Variants in SLC16A4 observed in about 807,000 individuals in gnomAD.
SLC16A4 encodes solute carrier family 16 member 4.
SLC16A4 carries 39 observed loss-of-function variants against 47.9 expected under a neutral mutation model. The observed-to-expected ratio is 0.81, with a 90% CI of 0.63 to 1.06. The LOEUF is 1.06. SLC16A4 is among the 50% of genes least tolerant of loss of function. The probability of loss-of-function intolerance (pLI) is 0.00; values close to 1 mark genes in which losing one functional copy is unlikely to be tolerated. For missense variants in SLC16A4, 524 were observed against 573.8 expected (o/e 0.91, Z 0.89); for synonymous variants, 189 against 199.9 (o/e 0.95, Z 0.46).
intron 2 of SLC16A4, among the ~76,000 whole-genome samples, chr1:110,388,504 CCA>C (rs1662852949): frequency 2.0e-5 from 3 of 152,156 alleles, no homozygotes; most frequent in Admixed American, 2.0e-4. Context: ...GGGGCTGTGC[CCA>C]CAGTGTTCTA....
chr1:110,378,770 T>C, intron 6 of SLC16A4, 83 bp downstream of exon 6: 2 of 1,492,940 alleles, frequency 1.3e-6, no homozygotes, highest in Non-Finnish European at 1.8e-6. Context: ...TGTTTTTCTT[T>C]AGCTTTTTAT....
At chr1:110,376,418 C>CTTCAG (rs1474389226) in intron 7 of SLC16A4, among the ~76,000 whole-genome samples, 3 of 152,100 alleles carry the variant, frequency 2.0e-5, no homozygotes, top group Non-Finnish European at 4.4e-5. Context: ...TCCCAGAACA[C>CTTCAG]TGAAGTGTTT....
chr1:110,369,023 C>T (rs111370705), intron 8 of SLC16A4, among the ~76,000 whole-genome samples: 6 of 150,194 alleles, frequency 4.0e-5, no homozygotes, highest in African/African-American at 7.4e-5. Context: ...GGTGCAATCT[C>T]GGCTCACTGC....
chr1:110,379,407 C>T (rs1410661401), intron 5 of SLC16A4, 51 bp from the exon 6 acceptor site: 2 of 1,522,298 alleles, frequency 1.3e-6, no homozygotes, highest in Admixed American at 3.9e-5. Flanking sequence ...GTTCACAATA[C>T]TGCTTTGTGT....
At chr1:110,377,902 T>C (rs1213668247) in intron 6 of SLC16A4, among the ~76,000 whole-genome samples, 2 of 152,198 alleles carry the variant, frequency 1.3e-5, no homozygotes, top group South Asian at 2.1e-4. Context: ...CATTCTCGGC[T>C]CACTGCAAGC....
chr1:110,368,276 G>T (rs955441229), intron 8 of SLC16A4, among the ~76,000 whole-genome samples: 3 of 152,206 alleles, frequency 2.0e-5, no homozygotes, highest in Non-Finnish European at 2.9e-5. Context: ...GTCAGAGAAA[G>T]ACAAGATTAC....
chr1:110,370,670 A>G (rs1029789785), intron 8 of SLC16A4: 1 of 152,178 alleles, frequency 6.6e-6, no homozygotes, highest in African/African-American at 2.4e-5. Context: ...TAATAGAGAG[A>G]GACATACTTC....
At chr1:110,370,162 T>C (rs140018346) in intron 8 of SLC16A4, 2 of 152,308 alleles carry the variant, frequency 1.3e-5, no homozygotes, top group East Asian at 3.9e-4. Context: ...TTAGGAAAAC[T>C]GAATCAAAGT....
chr1:110,365,462 T>A (rs764962934), intron 8 of SLC16A4, among the ~76,000 whole-genome samples: 1 of 152,238 alleles, frequency 6.6e-6, no homozygotes, highest in Non-Finnish European at 1.5e-5. Flanking sequence ...GAATGTTTTA[T>A]AACCTCTTAA....
Position 110,390,850 on chromosome 1 carries a change from C to G in SLC16A4, c.-33+15G>C, listed in dbSNP as rs1663002920. 6.6e-6 allele frequency: 1 copy of G among 152,164 alleles called. No homozygotes were observed. Among genetic ancestry groups the G allele is most frequent in the South Asian group, 2.1e-4 (1 of 4,832 alleles). 9.4% of individuals were successfully genotyped at this position (152,164 alleles called of 1,614,324 possible). A position where few individuals can be genotyped will look rare whatever the true frequency, so the allele number is the denominator to read the frequency against. On this transcript the variant is annotated intron_variant, in intron 1 of 8. Coordinates refer to ENST00000369779, the MANE Select transcript of SLC16A4 (RefSeq NM_004696.3). ...TAGAAAACCAACCCAGCACACAGTCCCATTCCCATCTTACCTTTGATGTGG... is the reference window on the plus strand; with the variant it reads ...TAGAAAACCAACCCAGCACACAGTCGCATTCCCATCTTACCTTTGATGTGG...
At chr1:110,371,557 G>T (rs1442234039) in intron 8 of SLC16A4, 6 of 152,122 alleles carry the variant, frequency 3.9e-5, no homozygotes, top group African/African-American at 1.4e-4. Flanking sequence ...CTGTTAACAG[G>T]GGTCTGTGAG....
intron 6 of SLC16A4, among the ~76,000 whole-genome samples, chr1:110,377,631 A>G (rs548869324): frequency 2.6e-4 from 39 of 152,180 alleles, no homozygotes; most frequent in Non-Finnish European, 4.0e-4. Context: ...GGGACTCATA[A>G]TTGCATACGA....
intron 2 of SLC16A4, among the ~76,000 whole-genome samples, chr1:110,383,814 T>G (rs1452906696): frequency 2.0e-5 from 2 of 102,104 alleles, no homozygotes; most frequent in Non-Finnish European, 4.4e-5. Context: ...GGTTTTTTTT[T>G]TTTTTTTTTT....
At chr1:110,381,620 C>G in intron 4 of SLC16A4, 32 bp downstream of exon 4, 1 of 1,594,536 alleles carries the variant, frequency 6.3e-7, no homozygotes, top group African/African-American at 1.4e-5. Flanking sequence ...CACTCCTGGC[C>G]TTCTATGGTC....
chr1:110,367,371 G>C (rs2100984578), intron 8 of SLC16A4, among the ~76,000 whole-genome samples: 1 of 152,266 alleles, frequency 6.6e-6, no homozygotes, highest in Non-Finnish European at 1.5e-5. Flanking sequence ...GGCCAGGCGT[G>C]ACGGCTCATG....
chr1:110,380,982 C>A lies in SLC16A4; in HGVS notation c.526G>T (p.Gly176Ter). 6.2e-7 allele frequency: 1 copy of A among 1,613,432 alleles called. No individual in the cohort carries two copies. Among genetic ancestry groups the A allele is most frequent in the Non-Finnish European group, 8.5e-7 (1 of 1,179,476 alleles). ...KFLIDLYDWT[G>*]ALILFGAIAL... ...AGTAAATAAACTTAGAATGACGTAC[C>A]TGTCCAGTCATACAGATCTATCAGG... is the stretch of plus-strand genomic sequence containing the variant. Residue 176 changes from glycine (G) to a stop codon, truncating the protein, a stop_gained and splice_region_variant, in exon 5 of 9, where the codon GGA becomes TGA. Transcript: ENST00000369779. LOFTEE classifies it high-confidence loss of function.
chr1:110,387,143 C>T (rs879447439), intron 2 of SLC16A4, among the ~76,000 whole-genome samples: 4 of 152,142 alleles, frequency 2.6e-5, no homozygotes, highest in Admixed American at 2.6e-4. Context: ...TCCATCTATC[C>T]ATCCACCAAC....
At chr1:110,374,431 G>C (rs1014379974) in intron 8 of SLC16A4, among the ~76,000 whole-genome samples, 6 of 152,176 alleles carry the variant, frequency 3.9e-5, no homozygotes, top group African/African-American at 1.2e-4. Context: ...ACTCCCTTCT[G>C]TCTTACTTCA....
chr1:110,371,948 AT>A (rs1661709602), intron 8 of SLC16A4: 1 of 152,094 alleles, frequency 6.6e-6, no homozygotes, highest in African/African-American at 2.4e-5. Context: ...CTTATAAAGA[AT>A]TTTGTTGCTT....
Sources: gnomAD v4.1 joint callset for allele counts (sites outside exome capture counted in the v4.1 genomes callset) on GRCh38, gnomAD v4.1.1 for gene constraint, MANE v1.5 for transcripts, NCBI Gene and HGNC (gene_info 2026-07-23, HGNC 2026-07-21) for gene names.